Variants in ITM2B observed in about 807,000 individuals in gnomAD.
ITM2B encodes the protein integral membrane protein 2B.
In ITM2B, 11 loss-of-function variants were observed where a neutral mutation model predicts 27.8. That is an observed-to-expected ratio of 0.40 (90% confidence interval 0.25 to 0.66). ITM2B has a LOEUF of 0.66. Ranked by LOEUF, ITM2B falls within the 30% of genes least tolerant of loss-of-function variation. The pLI is 0.43. For synonymous variants in ITM2B, 114 were observed against 114.3 expected (o/e 1.00, Z 0.02); for missense variants, 296 against 328.9 (o/e 0.90, Z 0.77).
chr13:48,241,203 T>C (rs1951698119), intron 1 of ITM2B, among the ~76,000 whole-genome samples: 1 of 152,214 alleles, frequency 6.6e-6, no homozygotes, highest in South Asian at 2.1e-4. Flanking sequence ...TTCTCACTTT[T>C]TGCCCCAGTA....
In ITM2B at chr13:48,270,294, A is replaced by G. The variant is rs1276984099; in HGVS notation, c.*9070A>G. The stretch of plus-strand genomic sequence containing the variant: ...TCTATAGTACTTATCACCATCTGAC[A>G]TGTATTTATGTTTGTATTTGTTTAT... On this transcript the variant is annotated 3_prime_UTR_variant, in exon 6 of 6. Coordinates refer to ENST00000647800, the MANE Select transcript of ITM2B (RefSeq NM_021999.5). 6.6e-6 allele frequency: 1 copy of G among 152,186 alleles called. No homozygotes were observed. Among genetic ancestry groups the G allele is most frequent in the South Asian group, 2.1e-4 (1 of 4,834 alleles). 9.4% of individuals were successfully genotyped at this position (152,186 alleles called of 1,614,324 possible). A position where few individuals can be genotyped will look rare whatever the true frequency, so the allele number is the denominator to read the frequency against.
chr13:48,256,724 T>A (rs895777518), intron 3 of ITM2B, among the ~76,000 whole-genome samples: 1 of 152,210 alleles, frequency 6.6e-6, no homozygotes, highest in African/African-American at 2.4e-5. Context: ...AATAATTTTG[T>A]TAATCTGTTT....
At position 48,261,486 on chromosome 13, in the gene ITM2B, T is replaced by C. The variant is rs962324466; in HGVS notation, c.*262T>C. On this transcript the variant is annotated 3_prime_UTR_variant, in exon 6 of 6. Transcript: ENST00000647800. ...TGTCACCTTAGGTAGTAGGAAGAATTACAATTTCTTTAAATCATTTATCTG... is the reference window on the plus strand; with the variant it reads ...TGTCACCTTAGGTAGTAGGAAGAATCACAATTTCTTTAAATCATTTATCTG... 1 of 285,454 alleles carries C rather than the reference T, an allele frequency of 3.5e-6. No individual in the cohort carries two copies. The highest frequency in any genetic ancestry group is 6.5e-6 in the Non-Finnish European group (1 of 152,966). 17.7% of individuals were successfully genotyped at this position (285,454 alleles called of 1,614,324 possible).
rs1951865355 is a variant in ITM2B at position 48,268,403 on chromosome 13, A to T, written c.*7179A>T. The stretch of plus-strand genomic sequence containing the variant: ...CTGCAATTTCTGTCTCCCAGGCTCA[A>T]GCCATCCTCTAACCTCAGCCTCCCG... On this transcript the variant is annotated 3_prime_UTR_variant, in exon 6 of 6. Transcript: ENST00000647800. 1 of 151,938 alleles carries T rather than the reference A, an allele frequency of 6.6e-6. No homozygotes were observed. The allele number at this position is 151,938 out of a possible 1,614,324, so 9.4% of individuals were successfully genotyped here. A position where few individuals can be genotyped will look rare whatever the true frequency, so the allele number is the denominator to read the frequency against.
rs7327171 is a variant in ITM2B at position 48,260,883 on chromosome 13, A to G, written c.716-256A>G. Reference sequence around the variant, plus strand: ...ATAGTCAAGATACAGAACATTTTCAATACCTTCAAGTTCATGAATTTGTAA... The same window carrying G: ...ATAGTCAAGATACAGAACATTTTCAGTACCTTCAAGTTCATGAATTTGTAA... On this transcript the variant is annotated intron_variant, in intron 5 of 5. Coordinates refer to ENST00000647800, the MANE Select transcript of ITM2B (RefSeq NM_021999.5). Among the ~76,000 whole-genome samples the G allele has an allele frequency of 6.7e-3, 1,013 of 152,256 alleles. 15 individuals are homozygous for G. The highest frequency in any genetic ancestry group is 0.023 in the African/African-American group (964 of 41,550).
At chr13:48,258,381 T>C in intron 4 of ITM2B, 145 bp downstream of exon 4, 1 of 647,344 alleles carries the variant, frequency 1.5e-6, no homozygotes, top group Non-Finnish European at 2.8e-6. Context: ...ATGGTTTTTG[T>C]TTTTAATGTT....
In ITM2B at chr13:48,256,251, C is replaced by T; in HGVS notation, c.321C>T (p.Ala107=). ...DVILNEPSAD[A]PAALYQTIEE... Reference sequence around the variant, plus strand: ...TCTTAAATGAGCCCTCTGCAGATGCCCCAGCTGCTCTCTACCAGACAATTG... The same window carrying T: ...TCTTAAATGAGCCCTCTGCAGATGCTCCAGCTGCTCTCTACCAGACAATTG... Residue 107 remains alanine, a synonymous_variant, in exon 3 of 6, where the codon GCC becomes GCT. Transcript: ENST00000647800. 6.2e-7 allele frequency: 1 copy of T among 1,612,716 alleles called. No individual in the cohort carries two copies. Among genetic ancestry groups the T allele is most frequent in the South Asian group, 1.1e-5 (1 of 91,036 alleles).
chr13:48,258,690 T>G (rs759369064), intron 4 of ITM2B, 107 bp from the exon 5 acceptor site: 33 of 1,016,412 alleles, frequency 3.2e-5, no homozygotes, highest in Admixed American at 8.7e-5. Context: ...GGTAGTAGTT[T>G]GGCAACCTGT....
chr13:48,238,793 T>C (rs1460967040), intron 1 of ITM2B, among the ~76,000 whole-genome samples: 1 of 152,154 alleles, frequency 6.6e-6, no homozygotes, highest in Non-Finnish European at 1.5e-5. Context: ...TTTGTGTTTA[T>C]TTGAATGATT....
intron 2 of ITM2B, among the ~76,000 whole-genome samples, 187 bp downstream of exon 2, chr13:48,254,123 A>C (rs998004538): frequency 6.6e-6 from 1 of 152,208 alleles, no homozygotes; most frequent in Non-Finnish European, 1.5e-5. Flanking sequence ...TGAGCCCATC[A>C]CACACAGTCA....
intron 1 of ITM2B, among the ~76,000 whole-genome samples, chr13:48,243,093 ATTAAT>A (rs1385014617): frequency 4.6e-5 from 7 of 152,198 alleles, no homozygotes; most frequent in South Asian, 2.1e-4. Flanking sequence ...TACCATTAGC[ATTAAT>A]TTAAGATCAG....
chr13:48,241,189 A>G (rs1250632268), intron 1 of ITM2B, among the ~76,000 whole-genome samples: 1 of 152,172 alleles, frequency 6.6e-6, no homozygotes, highest in Non-Finnish European at 1.5e-5. Flanking sequence ...TCTTAACTCC[A>G]TGTTTCTCAC....
chr13:48,233,715 A>G (rs1408391987), intron 1 of ITM2B, among the ~76,000 whole-genome samples: 1 of 152,046 alleles, frequency 6.6e-6, no homozygotes, highest in Non-Finnish European at 1.5e-5. Context: ...TGGAGAGGGA[A>G]CGATTGGCTA....
intron 1 of ITM2B, among the ~76,000 whole-genome samples, chr13:48,239,400 T>C (rs1951686834): frequency 6.6e-6 from 1 of 152,232 alleles, no homozygotes; most frequent in Non-Finnish European, 1.5e-5. Flanking sequence ...TTTGGGATAC[T>C]GAGGCTGGTG....
At chr13:48,247,814 G>A (rs369860821) in intron 1 of ITM2B, among the ~76,000 whole-genome samples, 2 of 152,196 alleles carry the variant, frequency 1.3e-5, no homozygotes, top group African/African-American at 4.8e-5. Context: ...CTGAAAGCCA[G>A]GTCTTTCTAT....
chr13:48,233,663 C>T (rs1951650299), intron 1 of ITM2B, among the ~76,000 whole-genome samples, 186 bp downstream of exon 1: 1 of 152,144 alleles, frequency 6.6e-6, no homozygotes, highest in Non-Finnish European at 1.5e-5. Context: ...AGTGCGTGTG[C>T]TGGAAGCGGT....
In ITM2B at chr13:48,267,159, A is replaced by G. The variant is rs1299828297; in HGVS notation, c.*5935A>G. The stretch of plus-strand genomic sequence containing the variant: ...AATTATGCCCCTGCTGGGAAGCATG[A>G]AAGGAGAGAGAAGAGCTTTCAGAAT... On this transcript the variant is annotated 3_prime_UTR_variant, in exon 6 of 6. Transcript: ENST00000647800. The G allele has an allele frequency of 6.6e-6, 1 of 152,222 alleles. No homozygotes were observed. The highest frequency in any genetic ancestry group is 2.4e-5 in the African/African-American group (1 of 41,462). 9.4% of individuals were successfully genotyped at this position (152,222 alleles called of 1,614,324 possible).
In ITM2B at chr13:48,265,623, C is replaced by G. The variant is rs1951848223; in HGVS notation, c.*4399C>G. On this transcript the variant is annotated 3_prime_UTR_variant, in exon 6 of 6. Transcript: ENST00000647800. Reference sequence around the variant, plus strand: ...TTAATGCTGCACAGTCCAGTCCCAACCCACTCTCCAGCTTCATCTTAATCA... The same window carrying G: ...TTAATGCTGCACAGTCCAGTCCCAAGCCACTCTCCAGCTTCATCTTAATCA... 1 of 152,626 alleles carries G rather than the reference C, an allele frequency of 6.6e-6. No individual in the cohort carries two copies. Among genetic ancestry groups the G allele is most frequent in the South Asian group, 2.1e-4 (1 of 4,836 alleles). 9.5% of individuals were successfully genotyped at this position (152,626 alleles called of 1,614,324 possible).
chr13:48,239,951 C>G (rs887194776), intron 1 of ITM2B, among the ~76,000 whole-genome samples: 2 of 152,176 alleles, frequency 1.3e-5, no homozygotes, highest in African/African-American at 2.4e-5. Flanking sequence ...TTGCCCAGTA[C>G]CCTCACTGAA....
Sources: gnomAD v4.1 joint callset for allele counts (sites outside exome capture counted in the v4.1 genomes callset) on GRCh38, gnomAD v4.1.1 for gene constraint, MANE v1.5 for transcripts, NCBI Gene and HGNC (gene_info 2026-07-23, HGNC 2026-07-21) for gene names.